The following MESD variants were observed in gnomAD, a reference collection of about 807,000 sequenced individuals.
MESD encodes the protein mesoderm development LRP chaperone.
In MESD, 7 loss-of-function variants were observed where a neutral mutation model predicts 12.9. The ratio of observed to expected loss-of-function variants is 0.54; its 90% confidence interval spans 0.31 to 1.02. The LOEUF is 1.02. Ranked by LOEUF, MESD falls within the 50% of genes least tolerant of loss-of-function variation. MESD has a pLI of 0.05. For missense variants in MESD, 342 were observed against 296.7 expected (o/e 1.15, Z -1.12); for synonymous variants, 126 against 115.6 (o/e 1.09, Z -0.58).
chr15:80,988,560 T>C (rs1902798461), intron 1 of MESD, among the ~76,000 whole-genome samples: 1 of 152,218 alleles, frequency 6.6e-6, no homozygotes, highest in African/African-American at 2.4e-5. Flanking sequence ...TATCCCAATC[T>C]TTCCATCAGC....
chr15:80,961,235 A>C (rs1287668883), intron 3 of MESD, among the ~76,000 whole-genome samples: 1 of 151,832 alleles, frequency 6.6e-6, no homozygotes, highest in Non-Finnish European at 1.5e-5. Context: ...CTCTGCTGAT[A>C]TTTTATATGA....
rs1902600435 is a variant in MESD, at chr15:80,982,185, A to G, written c.214-3T>C. On this transcript the variant is annotated splice_polypyrimidine_tract_variant and splice_region_variant and intron_variant, in intron 1 of 2. Coordinates refer to ENST00000261758, the MANE Select transcript of MESD (RefSeq NM_015154.3). ...CCTTCTTCAATGTCATCATCTTTCT[A>G]TCAGATTAGGGGAAAAGCATCAAAC... 11 of 1,612,308 alleles carry G rather than the reference A, an allele frequency of 6.8e-6. No individual in the cohort carries two copies. Among genetic ancestry groups the G allele is most frequent in the Non-Finnish European group, 9.3e-6 (11 of 1,178,528 alleles).
intron 3 of MESD, among the ~76,000 whole-genome samples, chr15:80,957,822 C>T (rs1051283191): frequency 1.3e-5 from 2 of 152,168 alleles, no homozygotes; most frequent in African/African-American, 4.8e-5. Flanking sequence ...CTCTCTCTTA[C>T]TCAGCCTTTT....
rs1400776717 is a variant in MESD at position 80,976,326 on chromosome 15, C to CA, written c.*2892dup. On this transcript the variant is annotated 3_prime_UTR_variant, in exon 3 of 3. Coordinates refer to ENST00000261758, the MANE Select transcript of MESD (RefSeq NM_015154.3). ...TTTGCTCATGAATCTGCAGACTGGG[C>CA]AGACTGTTTCTCAGCTCAGCTTATG... 1 of 152,382 alleles carries CA rather than the reference C, an allele frequency of 6.6e-6. No homozygotes were observed. The highest frequency in any genetic ancestry group is 2.4e-5 in the African/African-American group (1 of 41,458). 9.4% of individuals were successfully genotyped at this position (152,382 alleles called of 1,614,324 possible). A position where few individuals can be genotyped will look rare whatever the true frequency, so the allele number is the denominator to read the frequency against.
In MESD at chr15:80,977,661, G is replaced by T. The variant is rs1028861040; in HGVS notation, c.*1558C>A. 1 of 152,240 alleles carries T rather than the reference G, an allele frequency of 6.6e-6. No homozygotes were observed. The highest frequency in any genetic ancestry group is 1.5e-5 in the Non-Finnish European group (1 of 68,072). 9.4% of individuals were successfully genotyped at this position (152,240 alleles called of 1,614,324 possible). A position where few individuals can be genotyped will look rare whatever the true frequency, so the allele number is the denominator to read the frequency against. ...CTGAGTACAACAGAAAAAGCCCACA[G>T]ACAGGGCTTGGTTCAGCCACGGCAT... is the stretch of plus-strand genomic sequence containing the variant. On this transcript the variant is annotated 3_prime_UTR_variant, in exon 3 of 3. Coordinates refer to ENST00000261758, the MANE Select transcript of MESD (RefSeq NM_015154.3).
At chr15:80,983,711 A>G (rs903487250) in intron 1 of MESD, among the ~76,000 whole-genome samples, 1 of 152,182 alleles carries the variant, frequency 6.6e-6, no homozygotes, top group East Asian at 1.9e-4. Context: ...TAAAGTGCTC[A>G]AAGAATCGTG....
rs113669846 is a variant in MESD, at chr15:80,952,617, CGT to C, written c.*289-323_*289-322del. ...GTTTAAAAACAAAACAACTATGTCT[CGT>C]GTGTGTGTGTGTGTGTGTGTATGTC... On this transcript the variant is annotated intron_variant, in intron 3 of 4. Transcript: ENST00000561312. Among the ~76,000 whole-genome samples the C allele has an allele frequency of 2.7e-3, 406 of 148,938 alleles. 2 individuals carry two copies. The highest frequency in any genetic ancestry group is 8.2e-3 in the African/African-American group (336 of 40,832).
chr15:80,977,946 G>C lies in MESD; in HGVS notation c.*1273C>G, dbSNP rs1346854473. 2.0e-5 allele frequency: 3 copies of C among 152,268 alleles called. No homozygotes were observed. The highest frequency in any genetic ancestry group is 7.2e-5 in the African/African-American group (3 of 41,452). The allele number at this position is 152,268 out of a possible 1,614,324, so 9.4% of individuals were successfully genotyped here. On this transcript the variant is annotated 3_prime_UTR_variant, in exon 3 of 3. Transcript: ENST00000261758. ...AAGCAGAGAACTGAGAATGCAGAGG[G>C]TGTGGTTCTTTCGAGGGAAATGTGA...
chr15:80,963,934 C>G (rs1192574733), intron 3 of MESD, among the ~76,000 whole-genome samples: 4 of 152,194 alleles, frequency 2.6e-5, no homozygotes, highest in Non-Finnish European at 4.4e-5. Flanking sequence ...AGGATGCCCT[C>G]TTTCACCACT....
chr15:80,964,357 C>T (rs539218309), intron 3 of MESD, among the ~76,000 whole-genome samples: 55 of 151,774 alleles, frequency 3.6e-4, no homozygotes, highest in Admixed American at 5.9e-4. Flanking sequence ...ATTCCATGCT[C>T]ATGGATCAAT....
intron 3 of MESD, among the ~76,000 whole-genome samples, chr15:80,965,564 C>G (rs1198267995): frequency 6.6e-6 from 1 of 152,122 alleles, no homozygotes; most frequent in Non-Finnish European, 1.5e-5. Context: ...AAATGTCCAT[C>G]AATAATAGAC....
chr15:80,954,744 G>T (rs574658992), intron 3 of MESD, among the ~76,000 whole-genome samples: 1 of 152,346 alleles, frequency 6.6e-6, no homozygotes, highest in East Asian at 1.9e-4. Context: ...AAGCAAGCTC[G>T]TCTAACCCAC....
intron 2 of MESD, among the ~76,000 whole-genome samples, chr15:80,981,264 C>A (rs1470071632): frequency 6.6e-6 from 1 of 151,288 alleles, no homozygotes; most frequent in Non-Finnish European, 1.5e-5. Context: ...GGTGAAACCC[C>A]GTCTCTATTA....
intron 3 of MESD, among the ~76,000 whole-genome samples, chr15:80,964,670 C>T (rs1902144417): frequency 1.3e-5 from 2 of 152,348 alleles, no homozygotes; most frequent in South Asian, 4.1e-4. Flanking sequence ...CACACATCTA[C>T]AACCATCTGA....
At chr15:80,967,548 C>G (rs1902198614) in intron 3 of MESD, among the ~76,000 whole-genome samples, 1 of 152,166 alleles carries the variant, frequency 6.6e-6, no homozygotes, top group African/African-American at 2.4e-5. Context: ...CACTCAATGT[C>G]GTCCAACTTG....
chr15:80,971,760 G>A (rs1275282029), downstream of MESD, among the ~76,000 whole-genome samples: 1 of 152,000 alleles, frequency 6.6e-6, no homozygotes, highest in Non-Finnish European at 1.5e-5. Context: ...CTGAGTAGCT[G>A]GGACTAAACA....
At chr15:80,947,406 C>A (rs1901605310) in exon 5 of MESD, 2 of 320,836 alleles carry the variant, frequency 6.2e-6, no homozygotes, top group Admixed American at 8.4e-5. Context: ...CCAATTCCTG[C>A]TATTCAGACT....
intron 3 of MESD, among the ~76,000 whole-genome samples, chr15:80,953,478 C>A (rs545940850): frequency 9.2e-5 from 14 of 152,294 alleles, no homozygotes; most frequent in African/African-American, 3.4e-4. Context: ...GTCACCAGAT[C>A]CCACAAGTAG....
chr15:80,964,717 T>G (rs1902145285), intron 3 of MESD, among the ~76,000 whole-genome samples: 1 of 152,220 alleles, frequency 6.6e-6, no homozygotes, highest in Non-Finnish European at 1.5e-5. Flanking sequence ...GGATTCCCTA[T>G]TTAATAAATG....
Sources: gnomAD v4.1 joint callset for allele counts (sites outside exome capture counted in the v4.1 genomes callset) on GRCh38, gnomAD v4.1.1 for gene constraint, MANE v1.5 for transcripts, NCBI Gene and HGNC (gene_info 2026-07-23, HGNC 2026-07-21) for gene names.